The following ZFP30 variants were observed in gnomAD, a reference collection of about 807,000 sequenced individuals.
The protein encoded by ZFP30 is ZFP30 zinc finger protein.
Under a neutral mutation model 12.3 loss-of-function variants are expected in ZFP30, and 16 were observed. That is an observed-to-expected ratio of 1.30 (90% CI 0.88 to 1.98). ZFP30 has a LOEUF of 1.98. Among genes scored for constraint, ZFP30 ranks in the 30% most tolerant of loss-of-function variants. The pLI, the probability that ZFP30 is intolerant of heterozygous loss-of-function variation, is 0.00. For missense variants in ZFP30, 560 were observed against 611.2 expected (o/e 0.92, Z 0.88); for synonymous variants, 172 against 201.0 (o/e 0.86, Z 1.22).
chr19:37,639,419 T>C (rs1329763688), intron 5 of ZFP30, among the ~76,000 whole-genome samples: 2 of 152,102 alleles, frequency 1.3e-5, no homozygotes, highest in African/African-American at 2.4e-5. Flanking sequence ...AGTGAGAACG[T>C]GTTACTGTTT....
At chr19:37,645,612 AATTTT>A (rs2044527949) in intron 3 of ZFP30, among the ~76,000 whole-genome samples, 1 of 150,558 alleles carries the variant, frequency 6.6e-6, no homozygotes, top group Non-Finnish European at 1.5e-5. Flanking sequence ...AATAGGAGAT[AATTTT>A]ATTTATTTCC....
chr19:37,654,095 A>G lies in ZFP30; in HGVS notation c.-78+617T>C, dbSNP rs116742481. ...AGCTTCACAAATATTAATTCATGTAATCTTCAAAACAACACCGTAAAGTAT... is the reference window on the plus strand; with the variant it reads ...AGCTTCACAAATATTAATTCATGTAGTCTTCAAAACAACACCGTAAAGTAT... On this transcript the variant is annotated intron_variant, in intron 2 of 5. Coordinates refer to ENST00000684514, the MANE Select transcript of ZFP30 (RefSeq NM_001320669.3). 3.5e-3 allele frequency among the ~76,000 whole-genome samples: 529 copies of G among 152,346 alleles called. 4 individuals carry two copies. Among genetic ancestry groups the G allele is most frequent in the African/African-American group, 0.012 (507 of 41,578 alleles).
intron 5 of ZFP30, among the ~76,000 whole-genome samples, chr19:37,638,014 A>G (rs1452731638): frequency 6.6e-6 from 1 of 152,146 alleles, no homozygotes; most frequent in African/African-American, 2.4e-5. Context: ...ACCTTACTAC[A>G]CTGATTAAAC....
chr19:37,655,080 C>T (rs2044726617), intron 1 of ZFP30: 1 of 152,314 alleles, frequency 6.6e-6, no homozygotes. Context: ...TGCAGGGGAC[C>T]TTCATCCTGG....
In ZFP30 at chr19:37,636,080, CTGTTA is replaced by C. The variant is rs1414719731; in HGVS notation, c.456_460del (p.His152GlnfsTer15). The C allele has an allele frequency of 1.2e-6, 2 of 1,614,058 alleles. No individual in the cohort carries two copies. The highest frequency in any genetic ancestry group is 1.7e-6 in the Non-Finnish European group (2 of 1,180,050). ...TTCCCCACATTCGTAGGGTTTCTCT[CTGTTA>C]TGACTTTTCTGATACAGAGGAAGAG... On this transcript the variant is annotated frameshift_variant, in exon 6 of 6. Coordinates refer to ENST00000684514, the MANE Select transcript of ZFP30 (RefSeq NM_001320669.3). LOFTEE classifies it low-confidence loss of function (END_TRUNC).
intron 2 of ZFP30, among the ~76,000 whole-genome samples, chr19:37,650,979 C>A (rs73035158): frequency 0.18 from 26,768 of 151,770 alleles, 2,564 homozygotes; most frequent in Middle Eastern, 0.3. Context: ...CTCATGTGAT[C>A]GATCCACCAG....
At position 37,635,233 on chromosome 19, in the gene ZFP30, T is replaced by C. The variant is rs766290442; in HGVS notation, c.1308A>G (p.Lys436=). Residue 436 remains lysine (K), a synonymous_variant, in exon 6 of 6, where the codon AAA becomes AAG. Transcript: ENST00000684514. The part of the protein sequence containing the change: ...TQHQSIHFGE[K]PFKCKECEKT... ...TCTCACATTCCTTACACTTAAAGGG[T>C]TTCTCACCAAAATGAATACTCTGAT... 14 of 1,613,762 alleles carry C rather than the reference T, an allele frequency of 8.7e-6. No homozygotes were observed. Among genetic ancestry groups the C allele is most frequent in the Non-Finnish European group, 1.1e-5 (13 of 1,179,912 alleles).
In ZFP30 at chr19:37,634,905, C is replaced by T. The variant is rs1197304215; in HGVS notation, c.*76G>A. The stretch of plus-strand genomic sequence containing the variant: ...GAGCATGAAGCAAAAGGGATTCCCA[C>T]GTTCAAAAACCTTTCCTCTAGAATG... On this transcript the variant is annotated 3_prime_UTR_variant, in exon 6 of 6. Coordinates refer to ENST00000684514, the MANE Select transcript of ZFP30 (RefSeq NM_001320669.3). 12 of 1,419,758 alleles carry T rather than the reference C, an allele frequency of 8.5e-6. No individual in the cohort carries two copies. The East Asian group carries it at 1.9e-4, about 22-fold the overall frequency. The allele number at this position is 1,419,758 out of a possible 1,614,324, so 87.9% of individuals were successfully genotyped here. A position where few individuals can be genotyped will look rare whatever the true frequency, so the allele number is the denominator to read the frequency against.
intron 2 of ZFP30, among the ~76,000 whole-genome samples, chr19:37,648,786 A>C (rs1462073455): frequency 6.6e-6 from 1 of 152,176 alleles, no homozygotes; most frequent in Non-Finnish European, 1.5e-5. Context: ...GCACATTGGG[A>C]TCCCTTCCCC....
At chr19:37,646,748 TTTTGTTTTGTTTTGC>T (rs1402017051) in intron 3 of ZFP30, among the ~76,000 whole-genome samples, 3 of 151,944 alleles carry the variant, frequency 2.0e-5, no homozygotes, top group Non-Finnish European at 2.9e-5. Context: ...GCCAGTTTTG[TTTTGTTTTGTTTTGC>T]TTTGTTTTGT....
At chr19:37,637,211 T>C (rs572799605) in intron 5 of ZFP30, among the ~76,000 whole-genome samples, 2 of 151,096 alleles carry the variant, frequency 1.3e-5, no homozygotes, top group East Asian at 1.9e-4. Context: ...TTCTTTTTTT[T>C]TTTTTTTTTA....
chr19:37,637,154 T>C (rs1241404811), intron 5 of ZFP30, among the ~76,000 whole-genome samples: 1 of 152,038 alleles, frequency 6.6e-6, no homozygotes, highest in African/African-American at 2.4e-5. Flanking sequence ...TCATGTAATA[T>C]ATATCCTTTG....
At chr19:37,654,448 C>T (rs1452322064) in intron 2 of ZFP30, among the ~76,000 whole-genome samples, 1 of 152,134 alleles carries the variant, frequency 6.6e-6, no homozygotes, top group African/African-American at 2.4e-5. Context: ...CGGGTATTTC[C>T]ATATCATCAA....
In ZFP30 at chr19:37,635,991, T is replaced by C. The variant is rs776314956; in HGVS notation, c.550A>G (p.Lys184Glu). ...CCACATTCTTTACATTCATAGGGTT[T>C]CTCACCAGTATGAATTCTTTGATGG... ...TFHQRIHTGE[K>E]PYECKECGKA... Residue 184 changes from lysine (K) to glutamate (E), a missense_variant, in exon 6 of 6, where the codon AAA becomes GAA. Transcript: ENST00000684514. 8.1e-6 allele frequency: 13 copies of C among 1,614,076 alleles called. No individual in the cohort carries two copies. In the African/African-American group the frequency reaches 1.5e-4, roughly 18 times the overall value.
In ZFP30 at chr19:37,644,714, A is replaced by G. The variant is rs749763069; in HGVS notation, c.32T>C (p.Val11Ala). 6.2e-7 allele frequency: 1 copy of G among 1,611,104 alleles called. No individual in the cohort carries two copies. The highest frequency in any genetic ancestry group is 8.5e-7 in the Non-Finnish European group (1 of 1,179,062). The change falls in exon 4 of 6, where the codon GTG (valine) becomes GCG (alanine). Residue 11 changes from valine (V) to alanine (A), a missense_variant. By Grantham distance (64) the Val-to-Ala change is moderately conservative. Transcript: ENST00000684514. MARDLVMFRD[V>A]AVDFSQEEWE... ...TTCTTCCTGAGAAAAGTCTACAGCC[A>G]CATCTCTGAACATCACCAAATCCTG...
Position 37,631,759 on chromosome 19 carries a change from T to C in ZFP30, c.*3222A>G, listed in dbSNP as rs536395274. On this transcript the variant is annotated 3_prime_UTR_variant, in exon 6 of 6. Transcript: ENST00000684514. ...AGAATCGTATCTCTTTTACTATCAT[T>C]ATGATGTTCTGAAGGTAGAATGCCT... 6.6e-6 allele frequency: 1 copy of C among 151,918 alleles called. No individual in the cohort carries two copies. The highest frequency in any genetic ancestry group is 2.1e-4 in the South Asian group (1 of 4,804). 9.4% of individuals were successfully genotyped at this position (151,918 alleles called of 1,614,324 possible). A position where few individuals can be genotyped will look rare whatever the true frequency, so the allele number is the denominator to read the frequency against.
chr19:37,647,128 A>G (rs1472884655), intron 3 of ZFP30, among the ~76,000 whole-genome samples: 1 of 152,254 alleles, frequency 6.6e-6, no homozygotes, highest in African/African-American at 2.4e-5. Context: ...ATTATTTTGG[A>G]CAGTGCTATT....
intron 2 of ZFP30, among the ~76,000 whole-genome samples, chr19:37,648,861 G>C (rs1250166026): frequency 6.6e-6 from 1 of 152,114 alleles, no homozygotes; most frequent in Admixed American, 6.5e-5. Context: ...TTGCCTGCAT[G>C]ATCTCAATTA....
rs768378687 is a variant in ZFP30, at chr19:37,636,277, C to T, written c.264G>A (p.Lys88=). ...LDLESRYDTK[K]LFQGKDIYEM... is the part of the protein sequence containing the mutation. Reference sequence around the variant, plus strand: ...CATAAATATCCTTTCCTTGAAATAACTTTTTAGTGTCATATCTGGATTCCA... The same window carrying T: ...CATAAATATCCTTTCCTTGAAATAATTTTTTAGTGTCATATCTGGATTCCA... The change falls in exon 6 of 6, where the codon AAG becomes AAA. Residue 88 remains lysine (K), a synonymous_variant. Transcript: ENST00000684514. 1 of 1,599,618 alleles carries T rather than the reference C, an allele frequency of 6.3e-7. No individual in the cohort carries two copies. Among genetic ancestry groups the T allele is most frequent in the South Asian group, 1.1e-5 (1 of 88,028 alleles).
Sources: allele counts gnomAD v4.1 joint callset (sites outside exome capture counted in the v4.1 genomes callset), GRCh38; gene constraint gnomAD v4.1.1; transcripts MANE v1.5; gene names NCBI Gene and HGNC (gene_info 2026-07-23, HGNC 2026-07-21).